PTPRM: variants seen among roughly 807,000 people sequenced by gnomAD.
PTPRM encodes protein tyrosine phosphatase receptor type M.
PTPRM carries 47 observed loss-of-function variants against 186.7 expected under a neutral mutation model. The ratio of observed to expected loss-of-function variants is 0.25; its 90% CI spans 0.20 to 0.32. The LOEUF (loss-of-function observed/expected upper bound fraction) is 0.32, where lower values mean the gene tolerates loss of function less well. PTPRM is among the 10% of genes least tolerant of loss of function. PTPRM has a pLI of 1.00. For missense variants in PTPRM, 1,494 were observed against 1,865.0 expected, an observed-to-expected ratio of 0.80 and a Z score of 3.66; for synonymous variants, 668 against 674.9, an observed-to-expected ratio of 0.99 and a Z score of 0.16.
intron 7 of PTPRM, among the ~76,000 whole-genome samples, chr18:7,996,490 A>T (rs185575820): frequency 1.3e-3 from 193 of 152,238 alleles, no homozygotes; most frequent in African/African-American, 4.4e-3. Flanking sequence ...AAGACAAGGA[A>T]GCCCATTTTC....
At chr18:7,947,532 A>G (rs2052618534) in intron 5 of PTPRM, among the ~76,000 whole-genome samples, 1 of 152,152 alleles carries the variant, frequency 6.6e-6, no homozygotes, top group Non-Finnish European at 1.5e-5. Flanking sequence ...GAATGTAAAC[A>G]TTTTAATATA....
chr18:8,268,762 G>C (rs1395452193), intron 19 of PTPRM, among the ~76,000 whole-genome samples: 1 of 151,936 alleles, frequency 6.6e-6, no homozygotes, highest in Admixed American at 6.6e-5. Flanking sequence ...GTGCAAGGAT[G>C]GTTCAACATA....
intron 7 of PTPRM, among the ~76,000 whole-genome samples, chr18:8,056,002 C>A (rs955732241): frequency 1.2e-4 from 18 of 151,978 alleles, no homozygotes; most frequent in African/African-American, 4.4e-4. Flanking sequence ...ACATCCTACG[C>A]AATTAAAAAA....
chr18:7,949,141 A>C, intron 5 of PTPRM, 40 bp from the exon 6 acceptor site: 1 of 1,507,312 alleles, frequency 6.6e-7, no homozygotes, highest in Non-Finnish European at 9.1e-7. Context: ...CTGACAGCTT[A>C]TATTGCTTCT....
chr18:7,962,857 G>C (rs1233241882), intron 7 of PTPRM, among the ~76,000 whole-genome samples: 2 of 152,230 alleles, frequency 1.3e-5, no homozygotes, highest in African/African-American at 4.8e-5. Context: ...ATTGCAATAA[G>C]TATCTGGACT....
In PTPRM at chr18:8,154,008, A is replaced by C. The variant is rs574279408; in HGVS notation, c.2300+10229A>C. Reference sequence around the variant, plus strand: ...CTGGTGACACTACTACGCATTTGCTATTCTAGAAGTACCGCATGTGTTTTG... The same window carrying C: ...CTGGTGACACTACTACGCATTTGCTCTTCTAGAAGTACCGCATGTGTTTTG... On this transcript the variant is annotated intron_variant, in intron 14 of 32. Transcript: ENST00000580170. Among the ~76,000 whole-genome samples the C allele has an allele frequency of 3.3e-5, 5 of 152,276 alleles. No individual in the cohort carries two copies. The South Asian group carries it at 1.0e-3, about 32-fold the overall frequency.
chr18:8,084,659 A>G (rs1020208446), intron 9 of PTPRM, among the ~76,000 whole-genome samples: 1 of 152,194 alleles, frequency 6.6e-6, no homozygotes, highest in Non-Finnish European at 1.5e-5. Flanking sequence ...CATAAATTAC[A>G]AGTAAGTTTA....
Position 8,304,453 on chromosome 18 carries a change from C to G in PTPRM, c.2842+7998C>G, listed in dbSNP as rs114985948. The stretch of plus-strand genomic sequence containing the variant: ...GGTCTTTATGTGCCTGTTTCTTACC[C>G]AAAAATATCTGCTTTTCTCTGTTTC... On this transcript the variant is annotated intron_variant, in intron 20 of 32. Transcript: ENST00000580170. Among the ~76,000 whole-genome samples the G allele has an allele frequency of 3.4e-3, 523 of 152,190 alleles. 5 individuals carry two copies. The highest frequency in any genetic ancestry group is 0.011 in the African/African-American group (459 of 41,526).
At chr18:8,147,671 C>A (rs1239561925) in intron 14 of PTPRM, among the ~76,000 whole-genome samples, 1 of 152,170 alleles carries the variant, frequency 6.6e-6, no homozygotes, top group African/African-American at 2.4e-5. Context: ...GCCAGAACTT[C>A]CAATACTATG....
At chr18:7,925,398 G>T (rs1334299760) in intron 4 of PTPRM, among the ~76,000 whole-genome samples, 1 of 152,168 alleles carries the variant, frequency 6.6e-6, no homozygotes, top group African/African-American at 2.4e-5. Flanking sequence ...GGGCTTTCCT[G>T]TGTGTTTTTG....
intron 14 of PTPRM, among the ~76,000 whole-genome samples, chr18:8,222,541 C>G (rs551764445): frequency 6.6e-6 from 1 of 152,298 alleles, no homozygotes; most frequent in South Asian, 2.1e-4. Flanking sequence ...GGGATCTCTT[C>G]CGATTGCCAT....
At chr18:7,922,980 TC>T (rs1252733751) in intron 4 of PTPRM, among the ~76,000 whole-genome samples, 34 of 152,180 alleles carry the variant, frequency 2.2e-4, no homozygotes, top group Admixed American at 2.2e-3. Context: ...GTGGGGGCTA[TC>T]CTGCACATTT....
chr18:8,063,095 C>T (rs1426749343), intron 7 of PTPRM, among the ~76,000 whole-genome samples: 26 of 151,696 alleles, frequency 1.7e-4, no homozygotes, highest in Non-Finnish European at 2.5e-4. Context: ...GACTGCTGTG[C>T]TGGCAATCAG....
intron 1 of PTPRM, among the ~76,000 whole-genome samples, chr18:7,717,393 A>T (rs2144829468): frequency 6.6e-6 from 1 of 152,230 alleles, no homozygotes; most frequent in Admixed American, 6.5e-5. Context: ...GCTGGACTTG[A>T]GGGAAAGATT....
intron 7 of PTPRM, among the ~76,000 whole-genome samples, chr18:8,032,622 T>G (rs2148073732): frequency 6.6e-6 from 1 of 152,248 alleles, no homozygotes; most frequent in African/African-American, 2.4e-5. Flanking sequence ...TAAAGTTTAT[T>G]TGGAGAATTA....
chr18:7,582,619 C>A (rs2036875311), intron 1 of PTPRM, among the ~76,000 whole-genome samples: 1 of 152,140 alleles, frequency 6.6e-6, no homozygotes, highest in Non-Finnish European at 1.5e-5. Flanking sequence ...CTAGGACCAG[C>A]ACATATGACC....
chr18:7,891,067 A>G (rs1193562917), intron 3 of PTPRM, among the ~76,000 whole-genome samples: 4 of 151,614 alleles, frequency 2.6e-5, no homozygotes, highest in Admixed American at 6.6e-5. Flanking sequence ...ACCTGGGTCC[A>G]GGAGTTTAAG....
At chr18:7,770,978 C>T (rs984914898) in intron 1 of PTPRM, among the ~76,000 whole-genome samples, 5 of 152,130 alleles carry the variant, frequency 3.3e-5, no homozygotes, top group Non-Finnish European at 7.3e-5. Flanking sequence ...CCCGAAAGAA[C>T]CATATCATAC....
At chr18:7,896,248 C>T (rs570627865) in intron 3 of PTPRM, among the ~76,000 whole-genome samples, 4 of 152,118 alleles carry the variant, frequency 2.6e-5, no homozygotes, top group South Asian at 2.1e-4. Context: ...CTCATGTACT[C>T]GCCCTTTTGC....
Sources: gnomAD v4.1 joint callset for allele counts (sites outside exome capture counted in the v4.1 genomes callset) on GRCh38, gnomAD v4.1.1 for gene constraint, MANE v1.5 for transcripts, NCBI Gene and HGNC (gene_info 2026-07-23, HGNC 2026-07-21) for gene names.